Variants in TRPM7 observed in about 807,000 individuals in gnomAD.
The protein encoded by TRPM7 is transient receptor potential cation channel subfamily M member 7.
In TRPM7, 134 loss-of-function variants were observed where a neutral mutation model predicts 229.7. The ratio of observed to expected loss-of-function variants is 0.58; its 90% CI spans 0.51 to 0.67. The LOEUF is 0.67. TRPM7 is among the 30% of genes least tolerant of loss of function. The pLI is 0.00. For missense variants in TRPM7, 1,901 were observed against 2,210.0 expected (o/e 0.86, Z 2.80); for synonymous variants, 699 against 715.2 (o/e 0.98, Z 0.36).
At chr15:50,647,113 C>T (rs1000187615) in intron 4 of TRPM7, among the ~76,000 whole-genome samples, 5 of 152,178 alleles carry the variant, frequency 3.3e-5, no homozygotes, top group Non-Finnish European at 7.4e-5. Flanking sequence ...CATTTTATCA[C>T]ATTATCACAT....
chr15:50,607,386 T>TATG (rs1404614374), intron 19 of TRPM7, 58 bp from the exon 20 acceptor site: 1 of 1,385,352 alleles, frequency 7.2e-7, no homozygotes, highest in African/African-American at 1.5e-5. Context: ...ATCTTTTAAT[T>TATG]ATGAACATTT....
Position 50,589,484 on chromosome 15 carries a change from CT to C in TRPM7, c.4389+107del, listed in dbSNP as rs1242304011. ...TTTGGTATCAGCATGTTAATGATATCTGCTAAAACTGTATTTTTGCTGAAAA... is the reference window on the plus strand; with the variant it reads ...TTTGGTATCAGCATGTTAATGATATCGCTAAAACTGTATTTTTGCTGAAAA... On this transcript the variant is annotated intron_variant, in intron 27 of 38. Coordinates refer to ENST00000646667, the MANE Select transcript of TRPM7 (RefSeq NM_017672.6). 4 of 752,572 alleles carry C rather than the reference CT, an allele frequency of 5.3e-6. No individual in the cohort carries two copies. In the African/African-American group the frequency reaches 7.3e-5, roughly 14 times the overall value. The allele number at this position is 752,572 out of a possible 1,614,324, so 46.6% of individuals were successfully genotyped here.
At chr15:50,640,273 C>CT (rs138290105) in intron 5 of TRPM7, among the ~76,000 whole-genome samples, 12 of 151,490 alleles carry the variant, frequency 7.9e-5, no homozygotes, top group African/African-American at 2.9e-4. Flanking sequence ...ATTATCACTT[C>CT]TTTTTTTTGA....
chr15:50,679,750 G>C (rs1345248160), intron 1 of TRPM7, among the ~76,000 whole-genome samples: 1 of 150,788 alleles, frequency 6.6e-6, no homozygotes. Context: ...GGCCAGGCTG[G>C]TCTCAAACTC....
At position 50,578,640 on chromosome 15, in the gene TRPM7, A is replaced by G. The variant is rs1217019400; in HGVS notation, c.4617T>C (p.Asn1539=). The G allele has an allele frequency of 6.2e-7, 1 of 1,610,550 alleles. No homozygotes were observed. The highest frequency in any genetic ancestry group is 1.1e-5 in the South Asian group (1 of 90,552). Residue 1539 remains asparagine, a splice_region_variant and synonymous_variant, in exon 31 of 39, where the codon AAT becomes AAC. Coordinates refer to ENST00000646667, the MANE Select transcript of TRPM7 (RefSeq NM_017672.6). ...REMPSEEGTL[N]GLTSPFKPAM... is the part of the protein sequence containing the mutation. ...GTTCAATCTACCACACAGACTCACCATTTAATGTTCCTTCTTCAGATGGCC... is the reference window on the plus strand; with the variant it reads ...GTTCAATCTACCACACAGACTCACCGTTTAATGTTCCTTCTTCAGATGGCC...
At chr15:50,579,568 A>C (rs1412184406) in intron 30 of TRPM7, among the ~76,000 whole-genome samples, 2 of 152,168 alleles carry the variant, frequency 1.3e-5, no homozygotes, top group East Asian at 3.9e-4. Flanking sequence ...TCTGCAAGAC[A>C]ATGTTCTGTT....
At chr15:50,623,923 A>C (rs562559748) in intron 12 of TRPM7, among the ~76,000 whole-genome samples, 2 of 152,300 alleles carry the variant, frequency 1.3e-5, no homozygotes, top group East Asian at 1.9e-4. Flanking sequence ...AAAGGGAAAT[A>C]CACAGGAAAG....
intron 10 of TRPM7, among the ~76,000 whole-genome samples, chr15:50,628,536 C>T (rs2060633970): frequency 6.6e-6 from 1 of 152,100 alleles, no homozygotes; most frequent in Admixed American, 6.6e-5. Flanking sequence ...AAACTCCCGG[C>T]CTCAAGTGAT....
At chr15:50,614,414 C>T in intron 13 of TRPM7, 151 bp from the exon 14 acceptor site, 2 of 691,988 alleles carry the variant, frequency 2.9e-6, no homozygotes, top group Non-Finnish European at 4.4e-6. Context: ...CCTGTAATCC[C>T]AACATTTTGG....
At chr15:50,656,151 C>T (rs188875420) in intron 3 of TRPM7, among the ~76,000 whole-genome samples, 1 of 152,092 alleles carries the variant, frequency 6.6e-6, no homozygotes, top group African/African-American at 2.4e-5. Context: ...TTCAGTGTAG[C>T]TGCACTATAT....
chr15:50,627,044 T>C (rs1203601053), intron 11 of TRPM7, among the ~76,000 whole-genome samples: 1 of 152,208 alleles, frequency 6.6e-6, no homozygotes, highest in African/African-American at 2.4e-5. Context: ...ATCTAGTTTG[T>C]CCTCCGTAAA....
intron 21 of TRPM7, chr15:50,603,843 T>A (rs1002237780): frequency 6.6e-6 from 1 of 152,222 alleles, no homozygotes; most frequent in Non-Finnish European, 1.5e-5. Flanking sequence ...AGAAACAGCA[T>A]GTATTTTTAA....
At chr15:50,623,758 AG>A (rs2060483667) in intron 12 of TRPM7, among the ~76,000 whole-genome samples, 2 of 151,948 alleles carry the variant, frequency 1.3e-5, no homozygotes, top group African/African-American at 4.8e-5. Flanking sequence ...GTAAGCTAAA[AG>A]GGGTATACCA....
chr15:50,654,322 C>T (rs1369197872), intron 3 of TRPM7, among the ~76,000 whole-genome samples: 1 of 151,150 alleles, frequency 6.6e-6, no homozygotes, highest in Non-Finnish European at 1.5e-5. Flanking sequence ...TGGTGTGCGC[C>T]TGTAATCCCA....
At chr15:50,582,643 T>A (rs2054476566) in intron 29 of TRPM7, among the ~76,000 whole-genome samples, 1 of 152,188 alleles carries the variant, frequency 6.6e-6, no homozygotes, top group South Asian at 2.1e-4. Context: ...CAACATAATC[T>A]CTCTATGCCA....
intron 2 of TRPM7, among the ~76,000 whole-genome samples, chr15:50,662,356 T>A (rs1454093147): frequency 6.6e-6 from 1 of 151,966 alleles, no homozygotes; most frequent in African/African-American, 2.4e-5. Context: ...AAAGAATAAT[T>A]TTGGCAAAAA....
chr15:50,654,602 C>T (rs2061506464), intron 3 of TRPM7, among the ~76,000 whole-genome samples: 1 of 151,420 alleles, frequency 6.6e-6, no homozygotes, highest in South Asian at 2.1e-4. Context: ...AATAGACAGT[C>T]ATAATGAGAG....
chr15:50,644,970 C>T (rs1047894458), intron 4 of TRPM7, among the ~76,000 whole-genome samples: 2 of 150,556 alleles, frequency 1.3e-5, no homozygotes, highest in East Asian at 2.0e-4. Flanking sequence ...GGCGCCACCA[C>T]GGCTCACTGC....
intron 28 of TRPM7, among the ~76,000 whole-genome samples, chr15:50,583,637 C>T (rs964910894): frequency 6.7e-6 from 1 of 148,988 alleles, no homozygotes; most frequent in African/African-American, 2.5e-5. Context: ...AGAGCAGTGG[C>T]ACAATCTCAG....
Sources: gnomAD v4.1 joint callset for allele counts (sites outside exome capture counted in the v4.1 genomes callset) on GRCh38, gnomAD v4.1.1 for gene constraint, MANE v1.5 for transcripts, NCBI Gene and HGNC (gene_info 2026-07-23, HGNC 2026-07-21) for gene names.